DRC4: variants seen among roughly 807,000 people sequenced by gnomAD.
DRC4 encodes the protein GAS-11.
At chr16:90,041,089 G>T in the DRC4 span, among the ~76,000 whole-genome samples, 1 of 152,180 alleles carries the variant, frequency 6.6e-6, no homozygotes, top group African/African-American at 2.4e-5. Flanking sequence ...GGTGGGGGAG[G>T]CGTGTTTCCA....
At chr16:90,031,207 C>G in the DRC4 span, 1 of 1,580,930 alleles carries the variant, frequency 6.3e-7, no homozygotes, top group East Asian at 2.3e-5. Context: ...TGAGTCCTCC[C>G]TCTTTCTTCC....
the DRC4 span, among the ~76,000 whole-genome samples, chr16:90,033,527 G>T: frequency 6.6e-6 from 1 of 152,250 alleles, no homozygotes; most frequent in African/African-American, 2.4e-5. Context: ...ATTAGCTGGT[G>T]TAGTGGCACA....
chr16:90,021,123 A>G, the DRC4 span, among the ~76,000 whole-genome samples: 8 of 152,344 alleles, frequency 5.3e-5, no homozygotes, highest in African/African-American at 1.7e-4. Flanking sequence ...AGCTGAGCCA[A>G]TGCAGTTCTT....
the DRC4 span, chr16:90,022,451 A>G: frequency 9.7e-6 from 4 of 413,826 alleles, no homozygotes; most frequent in African/African-American, 8.3e-5. Flanking sequence ...CCCCTCGTGG[A>G]GCTTAGGTTC....
the DRC4 span, chr16:90,019,794 T>A: frequency 1.5e-6 from 1 of 688,420 alleles, no homozygotes; most frequent in Non-Finnish European, 2.6e-6. The surrounding 1 kb of genome is among the most constrained non-coding windows in gnomAD (Gnocchi z 6.1). Context: ...GCGCCGACTG[T>A]GTGCGGGCGC....
At chr16:90,028,814 C>G in the DRC4 span, 1 of 706,620 alleles carries the variant, frequency 1.4e-6, no homozygotes, top group Non-Finnish European at 2.0e-6. Context: ...ATAAATCTTA[C>G]CTTCTTTTGA....
At chr16:90,024,396 G>T in the DRC4 span, among the ~76,000 whole-genome samples, 1 of 152,186 alleles carries the variant, frequency 6.6e-6, no homozygotes, top group Non-Finnish European at 1.5e-5. Flanking sequence ...AGCTTTTCGT[G>T]GGGCAGAGGG....
At chr16:90,042,207 A>G in the DRC4 span, 6 of 532,148 alleles carry the variant, frequency 1.1e-5, no homozygotes, top group Non-Finnish European at 2.2e-5. Context: ...CACTGCTGGG[A>G]TCACAGGTGT....
chr16:90,041,269 G>A, the DRC4 span, among the ~76,000 whole-genome samples: 1 of 152,344 alleles, frequency 6.6e-6, no homozygotes, highest in Admixed American at 6.5e-5. Flanking sequence ...TTGTTACCTC[G>A]ACTTCTAAGT....
the DRC4 span, among the ~76,000 whole-genome samples, chr16:90,030,633 T>C: frequency 6.6e-6 from 1 of 152,008 alleles, no homozygotes; most frequent in African/African-American, 2.4e-5. Flanking sequence ...TGTGTATTTT[T>C]TGAGACAGAT....
the DRC4 span, among the ~76,000 whole-genome samples, chr16:90,035,183 G>T: frequency 6.6e-6 from 1 of 152,074 alleles, no homozygotes. Flanking sequence ...GATTACAGGC[G>T]TGAGCCACTG....
chr16:90,021,178 CA>C, the DRC4 span, among the ~76,000 whole-genome samples: 3 of 152,226 alleles, frequency 2.0e-5, no homozygotes. Context: ...CTTAGGTGGG[CA>C]AACAGGAAGT....
chr16:90,021,801 C>T, the DRC4 span, among the ~76,000 whole-genome samples: 5 of 142,504 alleles, frequency 3.5e-5, no homozygotes, highest in Admixed American at 2.3e-4. Context: ...CCCAGGAGGT[C>T]GAGGCTGCAG....
the DRC4 span, among the ~76,000 whole-genome samples, chr16:90,039,486 A>G: frequency 0.49 from 74,270 of 151,140 alleles, 19,235 homozygotes; most frequent in East Asian, 0.81. Context: ...CCTGGGTTCA[A>G]GTGATACTCC....
chr16:90,044,216 T>A, the DRC4 span: 1 of 452,614 alleles, frequency 2.2e-6, no homozygotes, highest in Non-Finnish European at 4.4e-6. Flanking sequence ...GAGCTGGAGT[T>A]GGCTCAGATG....
At chr16:90,029,165 C>A in the DRC4 span, 1 of 1,195,398 alleles carries the variant, frequency 8.4e-7, no homozygotes, top group South Asian at 1.3e-5. Context: ...GGGCAGGCTA[C>A]GGGGCAGCTT....
chr16:90,029,612 G>C, the DRC4 span: 1 of 260,244 alleles, frequency 3.8e-6, no homozygotes, highest in South Asian at 4.3e-5. Flanking sequence ...ATGTCTGCCC[G>C]GCATCCTCGG....
the DRC4 span, chr16:90,037,378 G>T: frequency 6.2e-7 from 1 of 1,613,552 alleles, no homozygotes; most frequent in South Asian, 1.1e-5. Flanking sequence ...CAAACTACGA[G>T]AGGGACAAGC....
At chr16:90,027,790 C>T in the DRC4 span, 8 of 1,416,858 alleles carry the variant, frequency 5.6e-6, no homozygotes, top group Middle Eastern at 1.9e-4. Context: ...GGTGCCTACG[C>T]CGAGTGTCCA....
Sources: gnomAD v4.1 joint callset for allele counts (sites outside exome capture counted in the v4.1 genomes callset) on GRCh38, gnomAD v4.1.1 for gene constraint, Gnocchi (gnomAD v3.1) non-coding constraint, MANE v1.5 for transcripts, NCBI Gene and HGNC (gene_info 2026-07-23, HGNC 2026-07-21) for gene names.